The following NPSR1 variants were observed in gnomAD, a reference collection of about 807,000 sequenced individuals.
NPSR1 encodes neuropeptide S receptor 1.
Under a neutral mutation model 46.9 loss-of-function variants are expected in NPSR1, and 48 were observed. That is an observed-to-expected ratio of 1.02 (90% CI 0.81 to 1.30). The LOEUF (loss-of-function observed/expected upper bound fraction) is 1.30, where lower values mean the gene tolerates loss of function less well. NPSR1 is among the 50% of genes most tolerant of loss of function. The pLI, the probability that NPSR1 is intolerant of heterozygous loss-of-function variation, is 0.00. For synonymous variants in NPSR1, 176 were observed against 168.1 expected (o/e 1.05, Z -0.36); for missense variants, 450 against 449.5 (o/e 1.00, Z -0.01).
rs1316615382 is a variant in NPSR1, at chr7:34,768,832, C to T, written c.281-9630C>T. On this transcript the variant is annotated intron_variant, in intron 2 of 8. Coordinates refer to ENST00000360581, the MANE Select transcript of NPSR1 (RefSeq NM_207172.2). Reference sequence around the variant, plus strand: ...AGAGAGGATTCAAATTTGAGATCTACTTAATAAGGTAAAATAAGGAGGATG... The same window carrying T: ...AGAGAGGATTCAAATTTGAGATCTATTTAATAAGGTAAAATAAGGAGGATG... 2.0e-5 allele frequency among the ~76,000 whole-genome samples: 3 copies of T among 152,168 alleles called. No individual in the cohort carries two copies. The East Asian group carries it at 5.8e-4, about 29-fold the overall frequency.
intron 2 of NPSR1, among the ~76,000 whole-genome samples, chr7:34,721,329 G>T (rs1032095773): frequency 1.3e-5 from 2 of 152,176 alleles, no homozygotes; most frequent in African/African-American, 4.8e-5. Flanking sequence ...TCCTGGAAGA[G>T]AAACCGGAAT....
chr7:34,784,367 G>A (rs1056444063), intron 3 of NPSR1, among the ~76,000 whole-genome samples: 26 of 152,040 alleles, frequency 1.7e-4, no homozygotes, highest in African/African-American at 4.3e-4. Flanking sequence ...CATCAATACC[G>A]AATTTATTGA....
chr7:34,663,198 A>T (rs1791562547), intron 1 of NPSR1, among the ~76,000 whole-genome samples: 1 of 151,818 alleles, frequency 6.6e-6, no homozygotes, highest in African/African-American at 2.4e-5. Context: ...TGTCCCTCAG[A>T]TGTGGTCATC....
intron 8 of NPSR1, among the ~76,000 whole-genome samples, chr7:34,875,507 G>A (rs1791553515): frequency 6.6e-6 from 1 of 152,180 alleles, no homozygotes; most frequent in African/African-American, 2.4e-5. Flanking sequence ...TAAGTTCTCT[G>A]GCCCTGGGGC....
intron 4 of NPSR1, among the ~76,000 whole-genome samples, chr7:34,821,105 A>G (rs1338939539): frequency 7.2e-6 from 1 of 138,938 alleles, no homozygotes; most frequent in Non-Finnish European, 1.6e-5. Flanking sequence ...TTTTTGGTTT[A>G]CATTCATGGA....
chr7:34,796,530 C>T (rs1258013696), intron 3 of NPSR1, among the ~76,000 whole-genome samples: 2 of 152,050 alleles, frequency 1.3e-5, no homozygotes, highest in East Asian at 1.9e-4. Flanking sequence ...ACAGACACCT[C>T]ACCAAAAAAT....
At chr7:34,834,321 C>G (rs771658808) in intron 5 of NPSR1, 63 bp from the exon 6 acceptor site, 13 of 1,282,374 alleles carry the variant, frequency 1.0e-5, no homozygotes, top group Non-Finnish European at 1.4e-5. Flanking sequence ...GAGTGGTCTT[C>G]TCTGTGTCCT....
chr7:34,684,785 C>T (rs1021186108), intron 2 of NPSR1, 101 bp downstream of exon 2: 9 of 948,118 alleles, frequency 9.5e-6, no homozygotes, highest in Admixed American at 3.3e-5. Context: ...TGTAACGCAT[C>T]GGTCAATTTG....
intron 4 of NPSR1, 35 bp from the exon 5 acceptor site, chr7:34,827,366 A>G: frequency 6.2e-7 from 1 of 1,600,534 alleles, no homozygotes; most frequent in Non-Finnish European, 8.6e-7. Flanking sequence ...AATGGTTGCC[A>G]CATACCCAGA....
chr7:34,774,821 G>A (rs1489233619), intron 2 of NPSR1, among the ~76,000 whole-genome samples: 1 of 152,142 alleles, frequency 6.6e-6, no homozygotes, highest in Non-Finnish European at 1.5e-5. Flanking sequence ...TCAAAGCTGT[G>A]AGACTTCTAT....
chr7:34,792,994 G>A (rs1788010003), intron 3 of NPSR1, among the ~76,000 whole-genome samples: 1 of 151,336 alleles, frequency 6.6e-6, no homozygotes, highest in African/African-American at 2.4e-5. Flanking sequence ...AGACCAGCTT[G>A]GGAAACATAG....
chr7:34,790,461 A>G (rs535505228), intron 3 of NPSR1, among the ~76,000 whole-genome samples: 14 of 152,038 alleles, frequency 9.2e-5, no homozygotes, highest in Admixed American at 2.0e-4. Context: ...GATTAGGAAC[A>G]AGATAAGAAT....
intron 1 of NPSR1, among the ~76,000 whole-genome samples, chr7:34,673,510 C>T (rs1016329962): frequency 2.0e-5 from 3 of 152,186 alleles, no homozygotes; most frequent in Admixed American, 2.0e-4. Context: ...GAATGACTCT[C>T]AGTTCACAAC....
intron 8 of NPSR1, among the ~76,000 whole-genome samples, chr7:34,875,255 TA>T (rs1294788459): frequency 6.6e-6 from 1 of 152,178 alleles, no homozygotes; most frequent in Non-Finnish European, 1.5e-5. Context: ...CCTTTGCTAG[TA>T]AAAAACAGGG....
chr7:34,815,212 T>G (rs1260624491), intron 4 of NPSR1, among the ~76,000 whole-genome samples: 1 of 152,146 alleles, frequency 6.6e-6, no homozygotes, highest in East Asian at 1.9e-4. Flanking sequence ...ATAAACAGTG[T>G]AGAGAAGACC....
intron 2 of NPSR1, among the ~76,000 whole-genome samples, chr7:34,716,443 G>C (rs1006667307): frequency 6.6e-6 from 1 of 152,186 alleles, no homozygotes; most frequent in Non-Finnish European, 1.5e-5. Flanking sequence ...AAGACACAGA[G>C]TTTCTGGTTC....
At chr7:34,734,452 C>A (rs141633841) in intron 2 of NPSR1, among the ~76,000 whole-genome samples, 4 of 152,068 alleles carry the variant, frequency 2.6e-5, no homozygotes, top group African/African-American at 9.6e-5. Flanking sequence ...TCTTGAACAG[C>A]ATGGATGATA....
rs1359443213 is a variant in NPSR1 at position 34,778,515 on chromosome 7, G to A, written c.334G>A (p.Gly112Arg). The A allele has an allele frequency of 1.2e-6, 2 of 1,612,848 alleles. No individual in the cohort carries two copies. The highest frequency in any genetic ancestry group is 1.3e-5 in the African/African-American group (1 of 74,836). Residue 112 changes from glycine to arginine, a missense_variant, in exon 3 of 9, where the codon GGA (glycine) becomes AGA (arginine). Gly to Arg is a moderately radical substitution (Grantham distance 125, BLOSUM62 -2). Transcript: ENST00000360581. ...ILTDINWRFT[G>R]DFTAPDLVCR... Reference sequence around the variant, plus strand: ...GACAGATATTAATTGGCGATTCACTGGAGACTTCACGGCACCTGACCTGGT... The same window carrying A: ...GACAGATATTAATTGGCGATTCACTAGAGACTTCACGGCACCTGACCTGGT...
intron 4 of NPSR1, among the ~76,000 whole-genome samples, chr7:34,825,247 A>G (rs1473880785): frequency 6.6e-6 from 1 of 152,052 alleles, no homozygotes; most frequent in Non-Finnish European, 1.5e-5. Flanking sequence ...ACCTTCTACA[A>G]CACCTCCCCA....
Sources: gnomAD v4.1 joint callset for allele counts (sites outside exome capture counted in the v4.1 genomes callset) on GRCh38, gnomAD v4.1.1 for gene constraint, MANE v1.5 for transcripts, NCBI Gene and HGNC (gene_info 2026-07-23, HGNC 2026-07-21) for gene names.